TRPC6: variants seen among roughly 807,000 people sequenced by gnomAD.
TRPC6 encodes the protein transient receptor potential cation channel subfamily C member 6.
A neutral mutation model predicts 90.7 loss-of-function variants in TRPC6; 55 were observed. That is an observed-to-expected ratio of 0.61 (90% CI 0.49 to 0.76). The LOEUF (loss-of-function observed/expected upper bound fraction) is 0.76, where lower values mean the gene tolerates loss of function less well. Ranked by LOEUF, TRPC6 falls within the 30% of genes least tolerant of loss-of-function variation. TRPC6 has a pLI of 0.00. For synonymous variants in TRPC6, 393 were observed against 393.0 expected (o/e 1.00, Z 0.00); for missense variants, 989 against 1,122.7 (o/e 0.88, Z 1.70).
chr11:101,486,691 A>C (rs1395405292), intron 4 of TRPC6, among the ~76,000 whole-genome samples: 1 of 152,166 alleles, frequency 6.6e-6, no homozygotes, highest in African/African-American at 2.4e-5. Flanking sequence ...CTTTAAACAA[A>C]AATGGGGACT....
chr11:101,483,007 G>C lies in TRPC6; in HGVS notation c.1452C>G (p.Phe484Leu), dbSNP rs1235751347. 1.2e-6 allele frequency: 2 copies of C among 1,613,898 alleles called. No homozygotes were observed. Among genetic ancestry groups the C allele is most frequent in the Non-Finnish European group, 1.7e-6 (2 of 1,179,936 alleles). Reference sequence around the variant, plus strand: ...ATGAGAAGCAGGATGTTTTCATCCTGAACAGCTGTTTTGCATTATCTGTGC... The same window carrying C: ...ATGAGAAGCAGGATGTTTTCATCCTCAACAGCTGTTTTGCATTATCTGTGC... ...ETSTDNAKQL[F>L]RMKTSCFSWM... Residue 484 changes from phenylalanine to leucine, a missense_variant, in exon 5 of 13, where the codon TTC becomes TTG. Physicochemically the swap from Phe to Leu is conservative, Grantham distance 22 (BLOSUM62 0). This residue lies in a region of TRPC6 where 486 missense variants were observed against 591.9 expected (regional missense o/e 0.82). Coordinates refer to ENST00000344327, the MANE Select transcript of TRPC6 (RefSeq NM_004621.6).
chr11:101,528,520 C>T (rs887544214), intron 1 of TRPC6, among the ~76,000 whole-genome samples: 5 of 152,082 alleles, frequency 3.3e-5, no homozygotes, highest in African/African-American at 1.2e-4. Context: ...GGGTTATTGG[C>T]ATCTATATTA....
intron 1 of TRPC6, among the ~76,000 whole-genome samples, chr11:101,556,664 C>CA (rs1475394672): frequency 2.6e-5 from 4 of 152,010 alleles, no homozygotes; most frequent in African/African-American, 9.7e-5. Context: ...CAAACTATTC[C>CA]AAAAAATTAA....
At chr11:101,518,392 T>A (rs889011587) in intron 1 of TRPC6, among the ~76,000 whole-genome samples, 1 of 152,090 alleles carries the variant, frequency 6.6e-6, no homozygotes, top group South Asian at 2.1e-4. Flanking sequence ...AATATTTGAA[T>A]AGAAATTTCT....
intron 1 of TRPC6, among the ~76,000 whole-genome samples, chr11:101,524,882 A>G (rs1198132799): frequency 6.6e-6 from 1 of 152,242 alleles, no homozygotes; most frequent in Admixed American, 6.5e-5. Context: ...TATAAATAAT[A>G]CATTTTTCCT....
chr11:101,503,959 G>GA, intron 2 of TRPC6, 65 bp downstream of exon 2: 1 of 1,600,602 alleles, frequency 6.2e-7, no homozygotes, highest in South Asian at 1.1e-5. Flanking sequence ...GCACATGGGG[G>GA]AAGCTGGTAA....
intron 3 of TRPC6, among the ~76,000 whole-genome samples, chr11:101,489,927 A>C (rs1282134136): frequency 6.6e-6 from 1 of 152,176 alleles, no homozygotes; most frequent in African/African-American, 2.4e-5. Flanking sequence ...CAGAATGGTA[A>C]AGTTGGATAA....
chr11:101,475,957 C>G (rs1859406958), intron 6 of TRPC6, among the ~76,000 whole-genome samples: 1 of 150,046 alleles, frequency 6.7e-6, no homozygotes, highest in South Asian at 2.1e-4. Context: ...GAGAGAGATA[C>G]AGAGAGATAG....
intron 1 of TRPC6, among the ~76,000 whole-genome samples, chr11:101,536,687 G>T (rs1054865786): frequency 1.3e-5 from 2 of 152,180 alleles, no homozygotes; most frequent in Admixed American, 1.3e-4. Flanking sequence ...GGGGATCAGA[G>T]AGCTGAAAGG....
rs71056628 is a variant in TRPC6 at position 101,558,398 on chromosome 11, TACAC to T, written c.170+24932_170+24935del. On this transcript the variant is annotated intron_variant, in intron 1 of 12. Transcript: ENST00000344327. ...GTATATATGTATACATGTATACATA[TACAC>T]ACACACATATACACACACACATATC... Among the ~76,000 whole-genome samples the T allele has an allele frequency of 9.3e-4, 70 of 75,384 alleles. 20 individuals are homozygous for T. The highest frequency in any genetic ancestry group is 1.5e-3 in the African/African-American group (25 of 16,272). The allele number at this position is 75,384 out of a possible 152,430, so 49.5% of individuals were successfully genotyped here.
chr11:101,507,317 A>G lies in TRPC6; in HGVS notation c.171-2519T>C, dbSNP rs1324658253. Among the ~76,000 whole-genome samples the G allele has an allele frequency of 2.0e-5, 3 of 149,364 alleles. No individual in the cohort carries two copies. In the East Asian group the frequency reaches 5.9e-4, roughly 29 times the overall value. Reference sequence around the variant, plus strand: ...TAAGTCTTATTTTAATACATTCTACATATTAAGTGGGTATTTTTTTTTTTC... The same window carrying G: ...TAAGTCTTATTTTAATACATTCTACGTATTAAGTGGGTATTTTTTTTTTTC... On this transcript the variant is annotated intron_variant, in intron 1 of 12. Transcript: ENST00000344327.
Position 101,533,364 on chromosome 11 carries a change from A to T in TRPC6, c.171-28566T>A, listed in dbSNP as rs147854180. Among the ~76,000 whole-genome samples, 1,314 of 152,144 alleles carry T rather than the reference A, an allele frequency of 8.6e-3. 27 individuals carry two copies. Among genetic ancestry groups the T allele is most frequent in the African/African-American group, 0.03 (1,234 of 41,492 alleles). On this transcript the variant is annotated intron_variant, in intron 1 of 12. Coordinates refer to ENST00000344327, the MANE Select transcript of TRPC6 (RefSeq NM_004621.6). ...GCAAGAATGGGAGCAAGAGAGAGAG[A>T]GTTTGGTTGCAGAGAAGGGGGAAGC...
In TRPC6 at chr11:101,563,549, T is replaced by C. The variant is rs190553326; in HGVS notation, c.170+19785A>G. ...CTGTAGGCTGTGTAGGTAATCTTTT[T>C]TTTTATTAATTTCTTGTTCCTAGTA... is the stretch of plus-strand genomic sequence containing the variant. On this transcript the variant is annotated intron_variant, in intron 1 of 12. Transcript: ENST00000344327. Among the ~76,000 whole-genome samples the C allele has an allele frequency of 2.8e-4, 43 of 152,320 alleles. No homozygotes were observed. In the East Asian group the frequency reaches 7.9e-3, roughly 28 times the overall value.
At chr11:101,457,083 A>C (rs1383220513) in intron 10 of TRPC6, among the ~76,000 whole-genome samples, 3 of 152,164 alleles carry the variant, frequency 2.0e-5, no homozygotes, top group Non-Finnish European at 2.9e-5. Flanking sequence ...TTTGTACATA[A>C]AAGAAAATTC....
chr11:101,467,101 C>A (rs12804595), intron 10 of TRPC6, among the ~76,000 whole-genome samples: 46,397 of 152,032 alleles, frequency 0.31, 9,137 homozygotes, highest in African/African-American at 0.56. Flanking sequence ...AAATCACCTG[C>A]CTTCTGCGTC....
chr11:101,491,485 T>A lies in TRPC6; in HGVS notation c.1128+71A>T. The A allele has an allele frequency of 8.4e-6, 13 of 1,553,576 alleles. No individual in the cohort carries two copies. The East Asian group carries it at 9.0e-5, about 11-fold the overall frequency. On this transcript the variant is annotated intron_variant, in intron 3 of 12. Coordinates refer to ENST00000344327, the MANE Select transcript of TRPC6 (RefSeq NM_004621.6). Reference sequence around the variant, plus strand: ...AAAATCCCAGCTTAATCTAACAATATCAACCCTTTATCCTTATTTAGCACC... The same window carrying A: ...AAAATCCCAGCTTAATCTAACAATAACAACCCTTTATCCTTATTTAGCACC...
At chr11:101,582,386 T>C (rs1685918556) in intron 1 of TRPC6, among the ~76,000 whole-genome samples, 1 of 152,200 alleles carries the variant, frequency 6.6e-6, no homozygotes, top group African/African-American at 2.4e-5. Context: ...GGGAAACCGC[T>C]TGCGGGTGGA....
Position 101,453,696 on chromosome 11 carries a change from A to G in TRPC6, c.2598T>C (p.Tyr866=), listed in dbSNP as rs1450840654. 1 of 1,613,890 alleles carries G rather than the reference A, an allele frequency of 6.2e-7. No homozygotes were observed. Among genetic ancestry groups the G allele is most frequent in the Admixed American group, 1.7e-5 (1 of 60,010 alleles). ...CCTTATCTATCTGGGCCTGCAGTACATATCTTTTAATGAGCCTTTTCATTA... is the reference window on the plus strand; with the variant it reads ...CCTTATCTATCTGGGCCTGCAGTACGTATCTTTTAATGAGCCTTTTCATTA... ...QKIMKRLIKR[Y]VLQAQIDKES... is the part of the protein sequence containing the mutation. The change falls in exon 12 of 13, where the codon TAT becomes TAC. Residue 866 remains tyrosine, a synonymous_variant. Coordinates refer to ENST00000344327, the MANE Select transcript of TRPC6 (RefSeq NM_004621.6).
Position 101,489,051 on chromosome 11 carries a change from C to A in TRPC6, c.1179G>T (p.Glu393Asp). 1 of 1,614,196 alleles carries A rather than the reference C, an allele frequency of 6.2e-7. No individual in the cohort carries two copies. Among genetic ancestry groups the A allele is most frequent in the Non-Finnish European group, 8.5e-7 (1 of 1,180,008 alleles). Reference sequence around the variant, plus strand: ...TCTGCTGTCGTAAACCAGAAAGATTCTCATACCAAATGGAGAGAAGTTGCT... The same window carrying A: ...TCTGCTGTCGTAAACCAGAAAGATTATCATACCAAATGGAGAGAAGTTGCT... Reference protein sequence around the residue: ...CQQQLLSIWYENLSGLRQQTM... With the variant: ...CQQQLLSIWYDNLSGLRQQTM... Residue 393 changes from glutamate to aspartate, a missense_variant, in exon 4 of 13, where the codon GAG (glutamate) becomes GAT (aspartate). Glu to Asp is a conservative substitution (Grantham distance 45). Transcript: ENST00000344327.
Sources: allele counts gnomAD v4.1 joint callset (sites outside exome capture counted in the v4.1 genomes callset), GRCh38; gene constraint gnomAD v4.1.1; regional missense constraint gnomAD v4.1.1; transcripts MANE v1.5; gene names NCBI Gene and HGNC (gene_info 2026-07-23, HGNC 2026-07-21).